DUOX1: variants seen among roughly 807,000 people sequenced by gnomAD.
The protein encoded by DUOX1 is dual oxidase 1, also known as NADPH thyroid oxidase 1.
DUOX1 carries 134 observed loss-of-function variants against 181.8 expected under a neutral mutation model. The observed-to-expected ratio is 0.74, with a 90% CI of 0.64 to 0.85. DUOX1 has a LOEUF of 0.85. DUOX1 is among the 40% of genes least tolerant of loss of function. DUOX1 has a pLI of 0.00. For missense variants in DUOX1, 1,814 were observed against 2,064.4 expected, an observed-to-expected ratio of 0.88 and a Z score of 2.35; for synonymous variants, 798 against 832.5, an observed-to-expected ratio of 0.96 and a Z score of 0.71.
Position 45,150,626 on chromosome 15 carries a change from T to C in DUOX1, c.2819-6T>C. 1 of 1,613,786 alleles carries C rather than the reference T, an allele frequency of 6.2e-7. No individual in the cohort carries two copies. The highest frequency in any genetic ancestry group is 8.5e-7 in the Non-Finnish European group (1 of 1,179,962). ...AGCTGCTCCCTAGCCTGGCTCTGCTTTGCAGGGGTGGAGGTGCCTGAAGTC... is the reference window on the plus strand; with the variant it reads ...AGCTGCTCCCTAGCCTGGCTCTGCTCTGCAGGGGTGGAGGTGCCTGAAGTC... On this transcript the variant is annotated splice_region_variant and splice_polypyrimidine_tract_variant and intron_variant, in intron 21 of 33. Coordinates refer to ENST00000389037, the MANE Select transcript of DUOX1 (RefSeq NM_175940.3).
At position 45,143,193 on chromosome 15, in the gene DUOX1, G is replaced by T; in HGVS notation, c.1826G>T (p.Ser609Ile). ...IGTLCCFPLV[S>I]LLSAWIVARL... ...ACCTCTGCCTCTGCCCTCCCAGTGA[G>T]CCTGCTCAGTGCCTGGATTGTTGCC... is the stretch of plus-strand genomic sequence containing the variant. The change falls in exon 16 of 34, where the codon AGC becomes ATC. Residue 609 changes from serine to isoleucine, a missense_variant. Ser to Ile is a moderately radical substitution (Grantham distance 142, BLOSUM62 -2). This residue lies in a region of DUOX1 where 1,064 missense variants were observed against 1,152.9 expected (regional missense o/e 0.92). Transcript: ENST00000389037. 6.2e-7 allele frequency: 1 copy of T among 1,613,978 alleles called. No homozygotes were observed. Among genetic ancestry groups the T allele is most frequent in the Non-Finnish European group, 8.5e-7 (1 of 1,179,926 alleles).
At position 45,137,953 on chromosome 15, in the gene DUOX1, T is replaced by G; in HGVS notation, c.1052T>G (p.Ile351Ser). 6.2e-7 allele frequency: 1 copy of G among 1,609,762 alleles called. No homozygotes were observed. Among genetic ancestry groups the G allele is most frequent in the East Asian group, 2.2e-5 (1 of 44,622 alleles). Residue 351 changes from isoleucine to serine, a missense_variant, in exon 10 of 34, where the codon ATC (isoleucine) becomes AGC (serine). By Grantham distance (142) the Ile-to-Ser change is moderately radical (BLOSUM62 -2). Coordinates refer to ENST00000389037, the MANE Select transcript of DUOX1 (RefSeq NM_175940.3). ...RNASCHFQGV[I>S]NRNSSVSRAL... Reference sequence around the variant, plus strand: ...GCCAGCTGCCACTTCCAGGGGGTCATCAATCGGAACTCAAGTGTCTCCAGA... The same window carrying G: ...GCCAGCTGCCACTTCCAGGGGGTCAGCAATCGGAACTCAAGTGTCTCCAGA...
chr15:45,131,297 C>T (rs539418598), intron 1 of DUOX1, among the ~76,000 whole-genome samples: 3 of 152,318 alleles, frequency 2.0e-5, no homozygotes, highest in Non-Finnish European at 2.9e-5. Flanking sequence ...AATACATGAG[C>T]ACCTGGTAGT....
rs925938217 is a variant in DUOX1, at chr15:45,165,103, TG to T, written c.*209del. ...GATGTGTCTCAGCCTGGAGAAATGG[TG>T]GGGGGGCAGTGTCTAGGGACTAGAG... On this transcript the variant is annotated 3_prime_UTR_variant, in exon 34 of 34. Transcript: ENST00000389037. 9.9e-6 allele frequency: 6 copies of T among 606,566 alleles called. No individual in the cohort carries two copies. The highest frequency in any genetic ancestry group is 4.0e-5 in the South Asian group (2 of 49,542). The allele number at this position is 606,566 out of a possible 1,614,324, so 37.6% of individuals were successfully genotyped here. A position where few individuals can be genotyped will look rare whatever the true frequency, so the allele number is the denominator to read the frequency against.
intron 1 of DUOX1, chr15:45,131,615 G>GT (rs552971832): frequency 1.2e-4 from 39 of 314,880 alleles, no homozygotes; most frequent in Non-Finnish European, 1.9e-4. Flanking sequence ...AGAGTGCTGG[G>GT]CCAAAGCAGG....
chr15:45,136,972 G>A (rs1338386877), intron 9 of DUOX1, among the ~76,000 whole-genome samples: 1 of 152,012 alleles, frequency 6.6e-6, no homozygotes, highest in Non-Finnish European at 1.5e-5. Context: ...CCCAGGGCCT[G>A]CAACCTTTTG....
chr15:45,162,082 G>A, intron 30 of DUOX1, 112 bp downstream of exon 30: 2 of 1,457,028 alleles, frequency 1.4e-6, no homozygotes, highest in Non-Finnish European at 1.9e-6. Context: ...TCTAGAGACT[G>A]GTTGTTCCAG....
chr15:45,139,448 A>C lies in DUOX1; in HGVS notation c.1238A>C (p.Lys413Thr). ...CCAGATTTCTGGCCTGGGCCACTGA[A>C]GTTTTCCCGCACAGACCACCTGGCC... ...DVRDFWPGPL[K>T]FSRTDHLASC... The change falls in exon 12 of 34, where the codon AAG becomes ACG. Residue 413 changes from lysine (K) to threonine (T), a missense_variant. By Grantham distance (78) the Lys-to-Thr change is moderately conservative (BLOSUM62 -1). Around this residue, in one of 5 missense-constraint regions of DUOX1, gnomAD observed 1,064 missense variants for 1,152.9 expected, o/e 0.92. Coordinates refer to ENST00000389037, the MANE Select transcript of DUOX1 (RefSeq NM_175940.3). 6.2e-7 allele frequency: 1 copy of C among 1,612,566 alleles called. No homozygotes were observed. The highest frequency in any genetic ancestry group is 8.5e-7 in the Non-Finnish European group (1 of 1,179,604).
chr15:45,152,306 CA>C lies in DUOX1; in HGVS notation c.3215del (p.His1072ProfsTer79). The C allele has an allele frequency of 6.2e-7, 1 of 1,614,054 alleles. No homozygotes were observed. Among genetic ancestry groups the C allele is most frequent in the Non-Finnish European group, 8.5e-7 (1 of 1,179,946 alleles). ...RAYYYAFAAH[H>X]TGITDTTRVG... Reference sequence around the variant, plus strand: ...CACAGACTACGCCTTTGCCGCACATCACACGGGCATCACAGACACCACCCGC... The same window carrying C: ...CACAGACTACGCCTTTGCCGCACATCCACGGGCATCACAGACACCACCCGC... On this transcript the variant is annotated frameshift_variant, in exon 25 of 34. Transcript: ENST00000389037. LOFTEE classifies it high-confidence loss of function.
Position 45,153,427 on chromosome 15 carries a change from A to G in DUOX1, c.3472A>G (p.Ser1158Gly). 1 of 1,613,298 alleles carries G rather than the reference A, an allele frequency of 6.2e-7. No individual in the cohort carries two copies. Among genetic ancestry groups the G allele is most frequent in the Non-Finnish European group, 8.5e-7 (1 of 1,179,916 alleles). Residue 1158 changes from serine (S) to glycine (G), a missense_variant, in exon 26 of 34, where the codon AGC becomes GGC. Ser to Gly is a moderately conservative substitution (Grantham distance 56). Coordinates refer to ENST00000389037, the MANE Select transcript of DUOX1 (RefSeq NM_175940.3). ...GGTGAATGTGTACCTGTTCTCCATC[A>G]GCCCCCTCAGCGTCCTCTCTTGCCT... The part of the protein sequence containing the change: ...HVVNVYLFSI[S>G]PLSVLSCLFP...
intron 25 of DUOX1, chr15:45,152,816 T>C (rs1227163819): frequency 5.5e-5 from 28 of 510,940 alleles, no homozygotes; most frequent in Non-Finnish European, 9.6e-5. Flanking sequence ...AGCATGACTC[T>C]GAGAGAAAGC....
intron 28 of DUOX1, among the ~76,000 whole-genome samples, 138 bp from the exon 29 acceptor site, chr15:45,160,683 TGGTGAGGTTTTGCAAC>T (rs1236510490): frequency 7.2e-5 from 11 of 151,998 alleles, no homozygotes; most frequent in South Asian, 2.1e-4. Flanking sequence ...GAGTTGGGAA[TGGTGAGGTTTTGCAAC>T]CTAGAAGGAG....
At chr15:45,139,036 C>T in intron 10 of DUOX1, 30 bp from the exon 11 acceptor site, 1 of 1,600,776 alleles carries the variant, frequency 6.2e-7, no homozygotes, top group East Asian at 2.2e-5. Context: ...TTAACCACAC[C>T]CCTTTCCTCC....
At chr15:45,140,015 G>C (rs2141263510) in intron 12 of DUOX1, 1 of 1,298,288 alleles carries the variant, frequency 7.7e-7, no homozygotes, top group Admixed American at 1.9e-5. Context: ...CCCAGGCCAA[G>C]GTAGAGCCTG....
At chr15:45,143,718 A>T (rs909954075) in intron 16 of DUOX1, among the ~76,000 whole-genome samples, 15 of 152,228 alleles carry the variant, frequency 9.9e-5, no homozygotes, top group Non-Finnish European at 2.2e-4. Flanking sequence ...ATCTCTCTAA[A>T]CCATTTTTTT....
rs779532602 is a variant in DUOX1 at position 45,141,090 on chromosome 15, C to G, written c.1565+20C>G. 4 of 1,613,976 alleles carry G rather than the reference C, an allele frequency of 2.5e-6. No homozygotes were observed. In the African/African-American group the frequency reaches 5.3e-5, roughly 22 times the overall value. On this transcript the variant is annotated intron_variant, in intron 13 of 33. Transcript: ENST00000389037. Reference sequence around the variant, plus strand: ...GAATGGGTAAGGCGTGCTGGGCCTCCGCCTCAGGCTCTACCTCGGCCTGGG... The same window carrying G: ...GAATGGGTAAGGCGTGCTGGGCCTCGGCCTCAGGCTCTACCTCGGCCTGGG...
At chr15:45,149,823 C>A (rs993554466) in intron 21 of DUOX1, among the ~76,000 whole-genome samples, 1 of 152,208 alleles carries the variant, frequency 6.6e-6, no homozygotes, top group African/African-American at 2.4e-5. Context: ...TGCACTCCAA[C>A]CTGGGCGACA....
intron 28 of DUOX1, among the ~76,000 whole-genome samples, chr15:45,160,486 G>C (rs1897070295): frequency 6.6e-6 from 1 of 152,160 alleles, no homozygotes; most frequent in Non-Finnish European, 1.5e-5. Flanking sequence ...AGGATAAAAT[G>C]AACTTTAAAA....
At chr15:45,142,518 G>C (rs1236307061) in intron 15 of DUOX1, among the ~76,000 whole-genome samples, 1 of 152,158 alleles carries the variant, frequency 6.6e-6, no homozygotes, top group East Asian at 1.9e-4. Context: ...CTGAGGTCAG[G>C]AGTTTGAGAC....
Sources: gnomAD v4.1 joint callset for allele counts (sites outside exome capture counted in the v4.1 genomes callset) on GRCh38, gnomAD v4.1.1 for gene constraint, gnomAD v4.1.1 regional missense constraint, MANE v1.5 for transcripts, NCBI Gene and HGNC (gene_info 2026-07-23, HGNC 2026-07-21) for gene names.